TRERF1: variants seen among roughly 807,000 people sequenced by gnomAD.
TRERF1 encodes transcriptional regulating factor 1, also known as transcriptional-regulating factor 1.
In TRERF1, 27 loss-of-function variants were observed where a neutral mutation model predicts 122.9. The observed-to-expected ratio is 0.22, with a 90% CI of 0.16 to 0.30. TRERF1 has a LOEUF of 0.30. TRERF1 is among the 10% of genes least tolerant of loss of function. The pLI is 1.00. For missense variants in TRERF1, 1,248 were observed against 1,560.3 expected (o/e 0.80, Z 3.37); for synonymous variants, 636 against 641.7 (o/e 0.99, Z 0.13).
At chr6:42,345,718 T>C (rs1341146646) in intron 3 of TRERF1, among the ~76,000 whole-genome samples, 4 of 152,244 alleles carry the variant, frequency 2.6e-5, no homozygotes, top group Non-Finnish European at 4.4e-5. Context: ...CATTCTCCCA[T>C]GCCAGTATTA....
intron 2 of TRERF1, among the ~76,000 whole-genome samples, chr6:42,418,288 A>T (rs1582113337): frequency 3.4e-5 from 1 of 29,560 alleles, no homozygotes; most frequent in African/African-American, 1.0e-4. Context: ...TTTTTTTCCG[A>T]GATGGAGTTT....
intron 2 of TRERF1, among the ~76,000 whole-genome samples, chr6:42,368,844 A>T (rs1230997872): frequency 6.6e-6 from 1 of 152,242 alleles, no homozygotes; most frequent in Non-Finnish European, 1.5e-5. Context: ...TAGTTAAAAA[A>T]TGACTTCTTG....
At chr6:42,270,213 A>G (rs1054405892) in intron 4 of TRERF1, among the ~76,000 whole-genome samples, 5 of 152,280 alleles carry the variant, frequency 3.3e-5, no homozygotes, top group Non-Finnish European at 7.3e-5. Flanking sequence ...GTGTATATAT[A>G]TATATGAAAC....
intron 2 of TRERF1, among the ~76,000 whole-genome samples, chr6:42,363,532 G>T (rs1026507958): frequency 6.6e-6 from 1 of 152,088 alleles, no homozygotes; most frequent in Admixed American, 6.5e-5. Context: ...CTATAACCAT[G>T]TCTTGGGGGT....
chr6:42,333,874 C>CTT (rs1765662053), intron 3 of TRERF1, among the ~76,000 whole-genome samples: 1 of 152,166 alleles, frequency 6.6e-6, no homozygotes, highest in Non-Finnish European at 1.5e-5. Context: ...ATCCGACCAC[C>CTT]TTCTGGTCAT....
At chr6:42,408,342 C>CAT (rs1780597714) in intron 2 of TRERF1, among the ~76,000 whole-genome samples, 1 of 101,806 alleles carries the variant, frequency 9.8e-6, no homozygotes, top group African/African-American at 3.8e-5. Context: ...TATACATACA[C>CAT]GTGTGTGTGT....
At chr6:42,255,446 C>G (rs1442150342) in intron 12 of TRERF1, among the ~76,000 whole-genome samples, 1 of 152,222 alleles carries the variant, frequency 6.6e-6, no homozygotes, top group East Asian at 1.9e-4. Context: ...CAGAGTTGAA[C>G]AGAAGATAGT....
At chr6:42,426,561 T>C (rs946743624) in intron 2 of TRERF1, among the ~76,000 whole-genome samples, 1 of 152,210 alleles carries the variant, frequency 6.6e-6, no homozygotes, top group Non-Finnish European at 1.5e-5. Context: ...GAAAACTCCA[T>C]GTGGGTCATG....
intron 4 of TRERF1, among the ~76,000 whole-genome samples, chr6:42,291,450 C>T (rs1000143019): frequency 2.3e-4 from 32 of 138,728 alleles, no homozygotes; most frequent in Non-Finnish European, 3.7e-4. Context: ...GCACTTTACA[C>T]TAAAAAAAAA....
At chr6:42,331,920 T>C (rs1426855976) in intron 3 of TRERF1, among the ~76,000 whole-genome samples, 1 of 152,216 alleles carries the variant, frequency 6.6e-6, no homozygotes, top group Non-Finnish European at 1.5e-5. Flanking sequence ...CACTGGCCAT[T>C]CTTGCCCTGA....
At chr6:42,429,420 G>C (rs1396437592) in intron 2 of TRERF1, among the ~76,000 whole-genome samples, 1 of 152,164 alleles carries the variant, frequency 6.6e-6, no homozygotes, top group Non-Finnish European at 1.5e-5. Flanking sequence ...AAACCACGGA[G>C]GGGGGGAAAT....
rs554864863 is a variant in TRERF1 at position 42,344,450 on chromosome 6, C to A, written c.-371+18547G>T. 9.2e-5 allele frequency among the ~76,000 whole-genome samples: 14 copies of A among 152,234 alleles called. No homozygotes were observed. The South Asian group carries it at 2.7e-3, about 29-fold the overall frequency. On this transcript the variant is annotated intron_variant, in intron 3 of 17. Transcript: ENST00000372922. ...AGAAGATGAGTTATTTACCCAAAAC[C>A]GTGTAGCTAGTAAGCAACGAGGTCA...
intron 2 of TRERF1, among the ~76,000 whole-genome samples, chr6:42,428,963 T>A (rs559866784): frequency 6.6e-6 from 1 of 152,180 alleles, no homozygotes; most frequent in African/African-American, 2.4e-5. Flanking sequence ...CAAGGTCCCC[T>A]GGCACTGTCC....
chr6:42,358,562 C>T (rs988435480), intron 3 of TRERF1, among the ~76,000 whole-genome samples: 1 of 152,222 alleles, frequency 6.6e-6, no homozygotes, highest in South Asian at 2.1e-4. Flanking sequence ...GGAGTTTTCA[C>T]AGGTGATGTC....
intron 2 of TRERF1, among the ~76,000 whole-genome samples, chr6:42,364,393 AT>A (rs1179437990): frequency 6.6e-6 from 1 of 151,850 alleles, no homozygotes; most frequent in Non-Finnish European, 1.5e-5. Flanking sequence ...GACATTTATT[AT>A]TTTTTTCATC....
intron 10 of TRERF1, 52 bp downstream of exon 10, chr6:42,258,083 C>T: frequency 2.0e-6 from 3 of 1,487,524 alleles, no homozygotes; most frequent in Admixed American, 1.8e-5. Context: ...ATTAACTATA[C>T]TTCTCAAGAA....
chr6:42,442,994 C>A (rs1408968428), intron 2 of TRERF1, among the ~76,000 whole-genome samples: 3 of 152,156 alleles, frequency 2.0e-5, no homozygotes, highest in Non-Finnish European at 2.9e-5. Flanking sequence ...CTGGTTGTTG[C>A]AGAACACAAA....
chr6:42,272,383 C>T (rs978267082), intron 4 of TRERF1, among the ~76,000 whole-genome samples: 3 of 152,116 alleles, frequency 2.0e-5, no homozygotes, highest in Non-Finnish European at 4.4e-5. Context: ...CCAAGGATGG[C>T]TGCAGCAGTG....
intron 3 of TRERF1, among the ~76,000 whole-genome samples, chr6:42,336,517 T>C (rs2150643709): frequency 6.6e-6 from 1 of 152,260 alleles, no homozygotes; most frequent in Middle Eastern, 3.4e-3. Context: ...TTTCACCTAC[T>C]GAAGATGCAC....
Sources: allele counts gnomAD v4.1 joint callset (sites outside exome capture counted in the v4.1 genomes callset), GRCh38; gene constraint gnomAD v4.1.1; transcripts MANE v1.5; gene names NCBI Gene and HGNC (gene_info 2026-07-23, HGNC 2026-07-21).